The following LUZP2 variants were observed in gnomAD, a reference collection of about 807,000 sequenced individuals.
The protein encoded by LUZP2 is leucine zipper protein 2.
LUZP2 carries 52 observed loss-of-function variants against 51.6 expected under a neutral mutation model. That is an observed-to-expected ratio of 1.01 (90% confidence interval 0.81 to 1.27). The LOEUF (loss-of-function observed/expected upper bound fraction) is 1.27, where lower values mean the gene tolerates loss of function less well. Among genes scored for constraint, LUZP2 ranks in the 50% most tolerant of loss-of-function variants. LUZP2 has a pLI of 0.00. For synonymous variants in LUZP2, 154 were observed against 137.3 expected (o/e 1.12, Z -0.85); for missense variants, 436 against 395.4 (o/e 1.10, Z -0.87).
At chr11:24,683,418 T>C (rs1415070257) in intron 1 of LUZP2, among the ~76,000 whole-genome samples, 1 of 152,230 alleles carries the variant, frequency 6.6e-6, no homozygotes, top group Non-Finnish European at 1.5e-5. Flanking sequence ...TCTGATAATC[T>C]GACAATTTAC....
intron 1 of LUZP2, among the ~76,000 whole-genome samples, chr11:24,664,118 T>C (rs1856127660): frequency 6.6e-6 from 1 of 152,014 alleles, no homozygotes; most frequent in African/African-American, 2.4e-5. Context: ...TGGAAGAGCT[T>C]GGAGAACTCA....
intron 5 of LUZP2, among the ~76,000 whole-genome samples, chr11:24,836,117 T>A (rs533685816): frequency 5.5e-4 from 84 of 152,086 alleles, no homozygotes; most frequent in African/African-American, 1.9e-3. Flanking sequence ...ATAATGATCA[T>A]GTATAAATCT....
At chr11:24,645,741 CTTG>C (rs1403359315) in intron 1 of LUZP2, among the ~76,000 whole-genome samples, 1 of 151,634 alleles carries the variant, frequency 6.6e-6, no homozygotes, top group African/African-American at 2.4e-5. Flanking sequence ...TAATATCTGG[CTTG>C]TTATTATGGT....
intron 5 of LUZP2, among the ~76,000 whole-genome samples, chr11:24,796,223 G>C (rs1427389508): frequency 1.3e-5 from 2 of 151,940 alleles, no homozygotes; most frequent in Non-Finnish European, 2.9e-5. Flanking sequence ...TTAAGCAAAT[G>C]GCATATGCAA....
At chr11:25,007,748 G>A (rs1856872149) in intron 9 of LUZP2, among the ~76,000 whole-genome samples, 2 of 152,156 alleles carry the variant, frequency 1.3e-5, no homozygotes, top group South Asian at 2.1e-4. Context: ...TAATTAGGAG[G>A]AAGGGCAATG....
At chr11:24,895,262 G>T (rs995630269) in intron 5 of LUZP2, among the ~76,000 whole-genome samples, 1 of 152,090 alleles carries the variant, frequency 6.6e-6, no homozygotes, top group Admixed American at 6.6e-5. Context: ...CCCAGCAAGT[G>T]GGAGCCAAGC....
intron 5 of LUZP2, among the ~76,000 whole-genome samples, chr11:24,871,904 G>A (rs1202424589): frequency 6.6e-6 from 1 of 152,106 alleles, no homozygotes; most frequent in East Asian, 1.9e-4. Flanking sequence ...ATAGTATACA[G>A]TGATGTCTGC....
intron 1 of LUZP2, among the ~76,000 whole-genome samples, chr11:24,705,754 A>G (rs1212995638): frequency 6.6e-6 from 1 of 152,162 alleles, no homozygotes; most frequent in Non-Finnish European, 1.5e-5. Context: ...CTGGACTGCT[A>G]AAAAGTGACA....
intron 1 of LUZP2, among the ~76,000 whole-genome samples, chr11:24,581,159 G>T (rs558531598): frequency 1.8e-4 from 19 of 108,544 alleles, no homozygotes; most frequent in Admixed American, 1.1e-3. Context: ...AGTAAAGAAA[G>T]AATTTCTCAA....
intron 1 of LUZP2, among the ~76,000 whole-genome samples, chr11:24,705,462 A>C (rs1010879501): frequency 7.9e-5 from 12 of 152,220 alleles, no homozygotes; most frequent in African/African-American, 2.9e-4. Context: ...AGATGTGAGA[A>C]TGGGGGATTT....
intron 5 of LUZP2, among the ~76,000 whole-genome samples, chr11:24,889,175 A>C (rs1011047387): frequency 6.6e-6 from 1 of 152,176 alleles, no homozygotes; most frequent in Non-Finnish European, 1.5e-5. Flanking sequence ...TAAAATATAA[A>C]TTTGGTTACT....
intron 1 of LUZP2, among the ~76,000 whole-genome samples, chr11:24,658,810 A>T (rs976302025): frequency 2.0e-5 from 3 of 152,240 alleles, no homozygotes; most frequent in Non-Finnish European, 4.4e-5. Context: ...GCAAACAGAC[A>T]CATGAAAAAA....
At chr11:24,816,866 AT>A (rs1451673699) in intron 5 of LUZP2, among the ~76,000 whole-genome samples, 1 of 152,004 alleles carries the variant, frequency 6.6e-6, no homozygotes, top group Non-Finnish European at 1.5e-5. Context: ...TGGGCGGTAT[AT>A]TTGAGACTTT....
In LUZP2 at chr11:24,511,597, GATAAA is replaced by G. The variant is rs3077883; in HGVS notation, c.62+14297_62+14301del. On this transcript the variant is annotated intron_variant, in intron 1 of 11. Transcript: ENST00000336930. The stretch of plus-strand genomic sequence containing the variant: ...TTTATGTGACTAGATATTTACCAAT[GATAAA>G]ATAATATCAGTAAATGGTTAAACGT... Among the ~76,000 whole-genome samples, 1,270 of 152,154 alleles carry G rather than the reference GATAAA, an allele frequency of 8.3e-3. 55 individuals carry two copies. The East Asian group carries it at 0.13, about 16-fold the overall frequency.
At chr11:24,507,410 T>C (rs1335671219) in intron 1 of LUZP2, among the ~76,000 whole-genome samples, 1 of 152,106 alleles carries the variant, frequency 6.6e-6, no homozygotes, top group African/African-American at 2.4e-5. Context: ...ATACATTTAG[T>C]AAATGAGGAT....
At chr11:24,944,824 C>A (rs1854856277) in intron 7 of LUZP2, among the ~76,000 whole-genome samples, 2 of 152,096 alleles carry the variant, frequency 1.3e-5, no homozygotes, top group Admixed American at 6.6e-5. Flanking sequence ...GAAAGACATG[C>A]CTAAGTCAAG....
chr11:24,905,927 A>G, intron 5 of LUZP2, 64 bp from the exon 6 acceptor site: 2 of 1,150,304 alleles, frequency 1.7e-6, no homozygotes, highest in South Asian at 2.5e-5. Flanking sequence ...TAATGTTGAC[A>G]TAGTTGAAGG....
At chr11:24,552,723 GA>G (rs1226632572) in intron 1 of LUZP2, among the ~76,000 whole-genome samples, 1 of 151,662 alleles carries the variant, frequency 6.6e-6, no homozygotes, top group Non-Finnish European at 1.5e-5. Context: ...TGATATCTAG[GA>G]AATAATCAAA....
intron 5 of LUZP2, among the ~76,000 whole-genome samples, chr11:24,774,391 C>T (rs1409369657): frequency 1.0e-5 from 1 of 99,492 alleles, no homozygotes; most frequent in African/African-American, 4.5e-5. Context: ...TACATACACA[C>T]ACACATATTT....
Sources: gnomAD v4.1 joint callset for allele counts (sites outside exome capture counted in the v4.1 genomes callset) on GRCh38, gnomAD v4.1.1 for gene constraint, MANE v1.5 for transcripts, NCBI Gene and HGNC (gene_info 2026-07-23, HGNC 2026-07-21) for gene names.